Variants in PIWIL2 observed in about 807,000 individuals in gnomAD.
The protein encoded by PIWIL2 is piwi-like protein 2.
PIWIL2 carries 81 observed loss-of-function variants against 116.5 expected under a neutral mutation model. The observed-to-expected ratio is 0.70, with a 90% CI of 0.58 to 0.84. PIWIL2 has a LOEUF of 0.84. Ranked by LOEUF, PIWIL2 falls within the 40% of genes least tolerant of loss-of-function variation. PIWIL2 has a pLI of 0.00. For synonymous variants in PIWIL2, 489 were observed against 429.5 expected, an observed-to-expected ratio of 1.14 and a Z score of -1.71; for missense variants, 1,272 against 1,212.3, an observed-to-expected ratio of 1.05 and a Z score of -0.73.
At chr8:22,308,438 A>G (rs1831242716) in intron 14 of PIWIL2, among the ~76,000 whole-genome samples, 1 of 152,080 alleles carries the variant, frequency 6.6e-6, no homozygotes, top group Non-Finnish European at 1.5e-5. Context: ...GGATCACCTT[A>G]GGTCAGGAGT....
chr8:22,301,636 A>C (rs1411029731), intron 10 of PIWIL2, among the ~76,000 whole-genome samples: 3 of 152,140 alleles, frequency 2.0e-5, no homozygotes, highest in African/African-American at 7.2e-5. Flanking sequence ...ATTCTGATGA[A>C]GTAGAATTTA....
At chr8:22,296,141 C>T (rs563914226) in intron 10 of PIWIL2, among the ~76,000 whole-genome samples, 40 of 150,420 alleles carry the variant, frequency 2.7e-4, no homozygotes, top group Admixed American at 5.3e-4. Context: ...CTGCAACTTC[C>T]ACCTCCCAGG....
intron 10 of PIWIL2, among the ~76,000 whole-genome samples, chr8:22,303,752 C>T (rs1008132368): frequency 2.0e-5 from 3 of 151,444 alleles, no homozygotes; most frequent in Admixed American, 6.6e-5. Flanking sequence ...CCTTTTTTTT[C>T]CCCCACCAAG....
intron 16 of PIWIL2, among the ~76,000 whole-genome samples, chr8:22,312,723 A>C (rs569168007): frequency 1.3e-5 from 2 of 152,066 alleles, no homozygotes. Context: ...TGACTGTAAC[A>C]TGAAACTTGA....
intron 20 of PIWIL2, among the ~76,000 whole-genome samples, chr8:22,343,278 A>ACTGTAATC (rs1832150752): frequency 2.6e-5 from 4 of 152,080 alleles, no homozygotes; most frequent in South Asian, 4.1e-4. Context: ...GTGGCGCATG[A>ACTGTAATC]CTGTAATCCT....
chr8:22,324,285 G>T (rs1379156537), intron 20 of PIWIL2, among the ~76,000 whole-genome samples: 2 of 152,110 alleles, frequency 1.3e-5, no homozygotes, highest in Admixed American at 6.6e-5. Flanking sequence ...ATTGGATTTT[G>T]CTCACTGTAT....
chr8:22,294,607 C>T, intron 10 of PIWIL2, among the ~76,000 whole-genome samples: 1 of 138,656 alleles, frequency 7.2e-6, no homozygotes, highest in Non-Finnish European at 1.5e-5. Context: ...TGCCAGTGCA[C>T]TCCAGCCTGG....
chr8:22,293,945 GA>G lies in PIWIL2; in HGVS notation c.1181+3605del, dbSNP rs541347514. On this transcript the variant is annotated intron_variant, in intron 10 of 22. Coordinates refer to ENST00000356766, the MANE Select transcript of PIWIL2 (RefSeq NM_018068.5). ...CCTTTGAATAATTTAGTGAAAATAA[GA>G]AAAAAGTTGTTTAGCATTTTGATGG... 1.6e-4 allele frequency among the ~76,000 whole-genome samples: 24 copies of G among 152,228 alleles called. No individual in the cohort carries two copies. The South Asian group carries it at 5.0e-3, about 32-fold the overall frequency.
intron 10 of PIWIL2, among the ~76,000 whole-genome samples, chr8:22,302,805 C>G (rs1014075329): frequency 4.9e-4 from 75 of 152,186 alleles, no homozygotes; most frequent in African/African-American, 1.6e-3. Flanking sequence ...TTTCTTGGCT[C>G]TCTTCTAAGC....
intron 7 of PIWIL2, among the ~76,000 whole-genome samples, chr8:22,287,885 G>A (rs936129456): frequency 6.6e-6 from 1 of 152,154 alleles, no homozygotes; most frequent in African/African-American, 2.4e-5. Flanking sequence ...TCATAGAGGG[G>A]AAGACAGATT....
intron 17 of PIWIL2, 53 bp from the exon 18 acceptor site, chr8:22,314,976 A>G: frequency 1.1e-6 from 1 of 900,668 alleles, no homozygotes; most frequent in Non-Finnish European, 1.8e-6. Context: ...AGATTTTCTG[A>G]GAGGTTGATA....
intron 10 of PIWIL2, among the ~76,000 whole-genome samples, chr8:22,300,762 T>A (rs895781391): frequency 6.6e-6 from 1 of 152,214 alleles, no homozygotes; most frequent in African/African-American, 2.4e-5. Flanking sequence ...ATGTAGAGCA[T>A]CTTTTCCTGT....
chr8:22,341,877 T>A (rs1161089955), intron 20 of PIWIL2, among the ~76,000 whole-genome samples: 4 of 151,598 alleles, frequency 2.6e-5, no homozygotes, highest in African/African-American at 9.7e-5. Context: ...ATTGTCTATG[T>A]AGAAAATCCC....
intron 1 of PIWIL2, chr8:22,276,153 T>A (rs1306259286): frequency 6.6e-6 from 1 of 152,062 alleles, no homozygotes; most frequent in Non-Finnish European, 1.5e-5. Context: ...AGAAAGGGAG[T>A]CATATCCTGC....
At chr8:22,307,346 A>C (rs1479507416) in intron 13 of PIWIL2, among the ~76,000 whole-genome samples, 1 of 152,148 alleles carries the variant, frequency 6.6e-6, no homozygotes, top group African/African-American at 2.4e-5. Context: ...GGTGTAATCA[A>C]GCCCCTTTGT....
At chr8:22,344,466 G>T (rs1832179977) in intron 20 of PIWIL2, among the ~76,000 whole-genome samples, 1 of 152,210 alleles carries the variant, frequency 6.6e-6, no homozygotes, top group Admixed American at 6.5e-5. Context: ...CTGTTCTATT[G>T]CCTCAGGTTT....
chr8:22,314,385 GC>G lies in PIWIL2; in HGVS notation c.2049del (p.Ile684SerfsTer53). 2.5e-6 allele frequency: 4 copies of G among 1,588,124 alleles called. No homozygotes were observed. Among genetic ancestry groups the G allele is most frequent in the Non-Finnish European group, 3.4e-6 (4 of 1,165,766 alleles). ...GGGCCCACGTGATGATCTCTATGGG[GC>G]CATCAAGAAGCTGTGCTGTGTGCAG... Reference protein sequence around the residue: ...IMGPRDDLYGAIKKLCCVQSP... With the variant: ...IMGPRDDLYGXIKKLCCVQSP... On this transcript the variant is annotated frameshift_variant, in exon 17 of 23. Transcript: ENST00000356766. LOFTEE classifies it high-confidence loss of function.
intron 20 of PIWIL2, among the ~76,000 whole-genome samples, chr8:22,338,738 A>C (rs1222262207): frequency 3.3e-5 from 5 of 152,180 alleles, no homozygotes; most frequent in Non-Finnish European, 2.9e-5. Context: ...ACATTTATGC[A>C]TTAGCAGAAA....
chr8:22,308,671 T>A (rs909647295), intron 14 of PIWIL2, among the ~76,000 whole-genome samples: 6 of 152,036 alleles, frequency 3.9e-5, no homozygotes, highest in African/African-American at 1.2e-4. Context: ...TTAACTAATT[T>A]AAAAAAATAA....
Sources: allele counts gnomAD v4.1 joint callset (sites outside exome capture counted in the v4.1 genomes callset), GRCh38; gene constraint gnomAD v4.1.1; transcripts MANE v1.5; gene names NCBI Gene and HGNC (gene_info 2026-07-23, HGNC 2026-07-21).